NELL1: variants seen among roughly 807,000 people sequenced by gnomAD.
The protein encoded by NELL1 is neural EGFL like 1, also known as protein kinase C-binding protein NELL1.
A neutral mutation model predicts 107.4 loss-of-function variants in NELL1; 76 were observed. The ratio of observed to expected loss-of-function variants is 0.71; its 90% confidence interval spans 0.59 to 0.86. The LOEUF is 0.86. Ranked by LOEUF, NELL1 falls within the 40% of genes least tolerant of loss-of-function variation. The pLI is 0.00. For missense variants in NELL1, 1,024 were observed against 1,005.5 expected, an observed-to-expected ratio of 1.02 and a Z score of -0.25; for synonymous variants, 353 against 341.2, an observed-to-expected ratio of 1.03 and a Z score of -0.38.
At chr11:21,093,760 A>AAGTGGAACT (rs1854575359) in intron 12 of NELL1, among the ~76,000 whole-genome samples, 1 of 152,100 alleles carries the variant, frequency 6.6e-6, no homozygotes, top group African/African-American at 2.4e-5. Context: ...AAACCATCAG[A>AAGTGGAACT]TCTCATGAGA....
intron 13 of NELL1, among the ~76,000 whole-genome samples, chr11:21,125,407 T>C (rs1022891654): frequency 5.9e-5 from 9 of 152,316 alleles, no homozygotes; most frequent in Admixed American, 5.2e-4. Flanking sequence ...ATAACTTGGA[T>C]TCTAAATAAT....
intron 2 of NELL1, among the ~76,000 whole-genome samples, chr11:20,730,865 A>C (rs1169707633): frequency 6.6e-6 from 1 of 152,176 alleles, no homozygotes; most frequent in Non-Finnish European, 1.5e-5. Context: ...CCAAGGAAGA[A>C]CTTCCTAACT....
At chr11:20,690,142 T>C (rs1379239301) in intron 2 of NELL1, among the ~76,000 whole-genome samples, 12 of 152,224 alleles carry the variant, frequency 7.9e-5, no homozygotes, top group African/African-American at 2.7e-4. Flanking sequence ...TGTTTTTTTC[T>C]TGTGAATTTG....
intron 1 of NELL1, among the ~76,000 whole-genome samples, chr11:20,673,319 G>T (rs1347956166): frequency 6.6e-6 from 1 of 152,112 alleles, no homozygotes; most frequent in Non-Finnish European, 1.5e-5. Context: ...TTGCTTTTGG[G>T]GTATTAAGGA....
At chr11:21,410,292 CTACTG>C (rs1852344015) in intron 15 of NELL1, among the ~76,000 whole-genome samples, 2 of 152,016 alleles carry the variant, frequency 1.3e-5, no homozygotes, top group Non-Finnish European at 2.9e-5. Flanking sequence ...CATTTCCACT[CTACTG>C]TAAACTGAGA....
At chr11:21,433,941 C>T (rs1275021510) in intron 15 of NELL1, among the ~76,000 whole-genome samples, 4 of 152,112 alleles carry the variant, frequency 2.6e-5, no homozygotes, top group Non-Finnish European at 5.9e-5. Flanking sequence ...TCCCAAAGTG[C>T]TGAGATTACA....
intron 3 of NELL1, among the ~76,000 whole-genome samples, chr11:20,823,849 C>G (rs141016228): frequency 6.6e-6 from 1 of 151,082 alleles, no homozygotes; most frequent in Non-Finnish European, 1.5e-5. Context: ...GCACCTGCCC[C>G]GAAGAAAGCC....
intron 12 of NELL1, among the ~76,000 whole-genome samples, chr11:20,975,490 T>C (rs984001933): frequency 6.8e-6 from 1 of 147,760 alleles, no homozygotes; most frequent in Admixed American, 6.9e-5. Context: ...TGGATATAGC[T>C]ACATATTCAA....
chr11:20,942,908 T>A (rs1285851436), intron 10 of NELL1, among the ~76,000 whole-genome samples: 1 of 152,196 alleles, frequency 6.6e-6, no homozygotes, highest in Non-Finnish European at 1.5e-5. Context: ...TGATTCAATG[T>A]CTATTATCAA....
Position 21,336,674 on chromosome 11 carries a change from T to TATATACACACAC in NELL1, c.1550-34178_1550-34177insTATACACACACA, listed in dbSNP as rs55720144. Among the ~76,000 whole-genome samples the TATATACACACAC allele has an allele frequency of 7.9e-3, 1,026 of 130,420 alleles. 20 individuals are homozygous for TATATACACACAC. Among genetic ancestry groups the TATATACACACAC allele is most frequent in the Admixed American group, 0.05 (616 of 12,332 alleles). 85.6% of individuals were successfully genotyped at this position (130,420 alleles called of 152,430 possible). A position where few individuals can be genotyped will look rare whatever the true frequency, so the allele number is the denominator to read the frequency against. ...GTGTATATATATATATATATATATA[T>TATATACACACAC]ACACACACACACACACATTAAACAG... On this transcript the variant is annotated intron_variant, in intron 14 of 19. Transcript: ENST00000357134.
chr11:21,247,063 A>G (rs1237951949), intron 14 of NELL1, among the ~76,000 whole-genome samples: 1 of 152,142 alleles, frequency 6.6e-6, no homozygotes, highest in Admixed American at 6.5e-5. Context: ...AATGTGGTAT[A>G]AAAGATAAAG....
intron 10 of NELL1, among the ~76,000 whole-genome samples, chr11:20,941,584 A>G (rs2134191454): frequency 6.6e-6 from 1 of 152,268 alleles, no homozygotes; most frequent in South Asian, 2.1e-4. Context: ...AGACAATTAT[A>G]GGCATAATCA....
chr11:21,489,746 T>C (rs2133913754), intron 15 of NELL1, among the ~76,000 whole-genome samples: 1 of 152,072 alleles, frequency 6.6e-6, no homozygotes, highest in East Asian at 1.9e-4. Context: ...AAATGTAACA[T>C]CCCTTTGTGA....
At chr11:21,073,276 C>T (rs1017315140) in intron 12 of NELL1, among the ~76,000 whole-genome samples, 2 of 151,968 alleles carry the variant, frequency 1.3e-5, no homozygotes, top group African/African-American at 4.8e-5. Context: ...AGTCTCAGTG[C>T]CTGGAGATTT....
intron 12 of NELL1, among the ~76,000 whole-genome samples, chr11:20,993,471 T>A (rs1307039585): frequency 6.6e-6 from 1 of 152,184 alleles, no homozygotes; most frequent in Non-Finnish European, 1.5e-5. Context: ...TGATTTGGGC[T>A]AGTGTCCATT....
intron 14 of NELL1, among the ~76,000 whole-genome samples, chr11:21,338,114 G>A (rs1020969802): frequency 7.2e-5 from 11 of 151,832 alleles, no homozygotes; most frequent in South Asian, 2.1e-4. Context: ...GTTGCTTTCC[G>A]TCCTGTGAGA....
chr11:20,953,543 A>G (rs1418552903), intron 11 of NELL1, among the ~76,000 whole-genome samples: 1 of 152,184 alleles, frequency 6.6e-6, no homozygotes, highest in Admixed American at 6.5e-5. Flanking sequence ...AGGCTAATGA[A>G]TTTAATGAAA....
intron 13 of NELL1, among the ~76,000 whole-genome samples, chr11:21,131,667 A>G (rs1855621919): frequency 6.6e-6 from 1 of 152,138 alleles, no homozygotes; most frequent in South Asian, 2.1e-4. Flanking sequence ...ATATACATCT[A>G]TAATCATTTG....
chr11:21,136,708 G>T (rs1178358850), intron 13 of NELL1, among the ~76,000 whole-genome samples: 1 of 152,140 alleles, frequency 6.6e-6, no homozygotes, highest in Admixed American at 6.5e-5. Flanking sequence ...CTGTGGTTTG[G>T]AGCAATTTAA....
Sources: allele counts gnomAD v4.1 joint callset (sites outside exome capture counted in the v4.1 genomes callset), GRCh38; gene constraint gnomAD v4.1.1; transcripts MANE v1.5; gene names NCBI Gene and HGNC (gene_info 2026-07-23, HGNC 2026-07-21).